The following BNC2 variants were observed in gnomAD, a reference collection of about 807,000 sequenced individuals.
BNC2 encodes basonuclin zinc finger protein 2.
In BNC2, 20 loss-of-function variants were observed where a neutral mutation model predicts 76.3. The ratio of observed to expected loss-of-function variants is 0.26; its 90% confidence interval spans 0.18 to 0.38. The LOEUF (loss-of-function observed/expected upper bound fraction) is 0.38, where lower values mean the gene tolerates loss of function less well. Among genes scored for constraint, BNC2 ranks in the 10% least tolerant of loss-of-function variants. The probability of loss-of-function intolerance (pLI) is 1.00; values close to 1 mark genes in which losing one functional copy is unlikely to be tolerated. For missense variants in BNC2, 1,382 were observed against 1,399.8 expected (o/e 0.99, Z 0.20); for synonymous variants, 582 against 514.8 (o/e 1.13, Z -1.77).
intron 3 of BNC2, among the ~76,000 whole-genome samples, chr9:16,683,396 C>A (rs560983654): frequency 2.0e-5 from 3 of 152,256 alleles, no homozygotes; most frequent in African/African-American, 4.8e-5. Context: ...TATAAACAAA[C>A]CGCTGCTCCT....
At chr9:16,765,858 C>T (rs1221369763) in intron 1 of BNC2, among the ~76,000 whole-genome samples, 1 of 151,424 alleles carries the variant, frequency 6.6e-6, no homozygotes, top group Non-Finnish European at 1.5e-5. Flanking sequence ...ACGATCTCGG[C>T]TCACTGCAAG....
rs879442068 is a variant in BNC2 at position 16,414,666 on chromosome 9, C to T, written c.*4323G>A. 2.0e-5 allele frequency: 3 copies of T among 152,196 alleles called. No individual in the cohort carries two copies. The highest frequency in any genetic ancestry group is 4.4e-5 in the Non-Finnish European group (3 of 68,036). The allele number at this position is 152,196 out of a possible 1,614,324, so 9.4% of individuals were successfully genotyped here. On this transcript the variant is annotated 3_prime_UTR_variant, in exon 7 of 7. Coordinates refer to ENST00000380672, the MANE Select transcript of BNC2 (RefSeq NM_017637.6). ...CTCTGTTAGTCAATCTAACCCAATG[C>T]TAACAGACCAGATACAAGTTAGGAC... is the stretch of plus-strand genomic sequence containing the variant.
At chr9:16,865,727 G>A (rs185786898) in intron 1 of BNC2, among the ~76,000 whole-genome samples, 92 of 152,078 alleles carry the variant, frequency 6.0e-4, no homozygotes, top group African/African-American at 2.1e-3. Flanking sequence ...ATTTTTAAAG[G>A]AAAAAAGTTA....
rs559242453 is a variant in BNC2, at chr9:16,431,673, T to C, written c.2639+3882A>G. ...TACTTGAAGACTTCAGCAGTCACCT[T>C]AGAGCAGCAGTCCCCAACCTTTTTG... On this transcript the variant is annotated intron_variant, in intron 6 of 6. Transcript: ENST00000380672. Among the ~76,000 whole-genome samples the C allele has an allele frequency of 2.6e-4, 40 of 152,350 alleles. No homozygotes were observed. In the South Asian group the frequency reaches 8.1e-3, roughly 31 times the overall value.
chr9:16,860,848 C>T (rs1819387763), intron 1 of BNC2, among the ~76,000 whole-genome samples: 1 of 151,656 alleles, frequency 6.6e-6, no homozygotes, highest in Non-Finnish European at 1.5e-5. Context: ...TTTAAAGAGA[C>T]CAGCCTGGCC....
At chr9:16,566,900 G>C (rs569015830) in intron 4 of BNC2, among the ~76,000 whole-genome samples, 2 of 152,024 alleles carry the variant, frequency 1.3e-5, no homozygotes, top group African/African-American at 4.8e-5. Context: ...ATTTCATCTG[G>C]AAAAAGCAAA....
intron 3 of BNC2, among the ~76,000 whole-genome samples, chr9:16,634,463 T>A (rs1169928535): frequency 6.6e-6 from 1 of 151,982 alleles, no homozygotes; most frequent in African/African-American, 2.4e-5. Context: ...AGTAACCTCT[T>A]AGTCACCAAA....
intron 1 of BNC2, among the ~76,000 whole-genome samples, chr9:16,799,341 G>A (rs940300530): frequency 1.3e-5 from 2 of 151,726 alleles, no homozygotes; most frequent in African/African-American, 4.8e-5. Flanking sequence ...TTGATATGGA[G>A]TCTCACTCTC....
At chr9:16,862,505 T>G (rs557182521) in intron 1 of BNC2, among the ~76,000 whole-genome samples, 1 of 152,178 alleles carries the variant, frequency 6.6e-6, no homozygotes, top group Non-Finnish European at 1.5e-5. Flanking sequence ...AGGGCCTCTA[T>G]AGATACCCCG....
intron 5 of BNC2, among the ~76,000 whole-genome samples, chr9:16,442,977 G>A (rs1821158454): frequency 6.6e-6 from 1 of 150,912 alleles, no homozygotes; most frequent in Non-Finnish European, 1.5e-5. Context: ...GTGTGGCAGA[G>A]GGCACCTCTA....
chr9:16,434,332 A>G (rs1045295349), intron 6 of BNC2, among the ~76,000 whole-genome samples: 6 of 152,196 alleles, frequency 3.9e-5, no homozygotes, highest in Non-Finnish European at 7.3e-5. Context: ...TGGTACTTTT[A>G]ATGTTACTTT....
chr9:16,810,622 G>A (rs1818021994), intron 1 of BNC2, among the ~76,000 whole-genome samples: 1 of 152,188 alleles, frequency 6.6e-6, no homozygotes, highest in Admixed American at 6.5e-5. Context: ...ATTGGTGGAT[G>A]GTGAAAATCA....
At chr9:16,839,139 T>C (rs763342845) in intron 1 of BNC2, among the ~76,000 whole-genome samples, 1 of 152,216 alleles carries the variant, frequency 6.6e-6, no homozygotes, top group Non-Finnish European at 1.5e-5. Context: ...CTGGATAATT[T>C]TCTCAGATAA....
At chr9:16,574,417 T>C (rs1479713569) in intron 4 of BNC2, among the ~76,000 whole-genome samples, 2 of 152,192 alleles carry the variant, frequency 1.3e-5, no homozygotes, top group Non-Finnish European at 2.9e-5. Flanking sequence ...CTATAATTTA[T>C]TTTAACTGGC....
intron 5 of BNC2, among the ~76,000 whole-genome samples, chr9:16,501,535 G>T (rs1445926720): frequency 6.6e-6 from 1 of 152,160 alleles, no homozygotes; most frequent in African/African-American, 2.4e-5. Context: ...CTTAGAGTCA[G>T]ATGACTTCAT....
rs192146006 is a variant in BNC2, at chr9:16,426,406, C to G, written c.2640-6757G>C. On this transcript the variant is annotated intron_variant, in intron 6 of 6. Coordinates refer to ENST00000380672, the MANE Select transcript of BNC2 (RefSeq NM_017637.6). ...TCTTGAACTCCTGGCCTCCAGCAAT[C>G]TGCCTGCCTCAGCCTCCCAAAGTGC... Among the ~76,000 whole-genome samples the G allele has an allele frequency of 8.6e-4, 129 of 149,472 alleles. 4 individuals carry two copies. The East Asian group carries it at 0.025, about 29-fold the overall frequency.
chr9:16,821,782 C>G lies in BNC2; in HGVS notation c.3+48864G>C, dbSNP rs113901537. 5.0e-3 allele frequency among the ~76,000 whole-genome samples: 763 copies of G among 152,132 alleles called. 7 individuals are homozygous for G. Among genetic ancestry groups the G allele is most frequent in the African/African-American group, 0.017 (701 of 41,524 alleles). On this transcript the variant is annotated intron_variant, in intron 1 of 6. Coordinates refer to ENST00000380672, the MANE Select transcript of BNC2 (RefSeq NM_017637.6). ...GGGCCAACATGGTGAAACCTCATCTCTACTAAAAATACAAAAATTAGCCAG... is the reference window on the plus strand; with the variant it reads ...GGGCCAACATGGTGAAACCTCATCTGTACTAAAAATACAAAAATTAGCCAG...
intron 4 of BNC2, among the ~76,000 whole-genome samples, chr9:16,564,419 A>C (rs1819110112): frequency 6.6e-6 from 1 of 152,198 alleles, no homozygotes; most frequent in Non-Finnish European, 1.5e-5. Context: ...GCACAGCTAC[A>C]AAATGATTGG....
intron 3 of BNC2, among the ~76,000 whole-genome samples, chr9:16,709,728 GACT>G (rs1021014558): frequency 6.6e-6 from 1 of 152,202 alleles, no homozygotes; most frequent in Admixed American, 6.5e-5. Context: ...GACAGGGAAA[GACT>G]ACGTTAGTAA....
Sources: allele counts gnomAD v4.1 joint callset (sites outside exome capture counted in the v4.1 genomes callset), GRCh38; gene constraint gnomAD v4.1.1; transcripts MANE v1.5; gene names NCBI Gene and HGNC (gene_info 2026-07-23, HGNC 2026-07-21).